Variants in MBP observed in about 807,000 individuals in gnomAD.
The protein encoded by MBP is Golli-MBP.
In MBP, 16 loss-of-function variants were observed where a neutral mutation model predicts 35.8. That is an observed-to-expected ratio of 0.45 (90% CI 0.30 to 0.68). MBP has a LOEUF of 0.68. Ranked by LOEUF, MBP falls within the 30% of genes least tolerant of loss-of-function variation. The probability of loss-of-function intolerance (pLI) is 0.08; values close to 1 mark genes in which losing one functional copy is unlikely to be tolerated. For synonymous variants in MBP, 143 were observed against 159.6 expected (o/e 0.90, Z 0.78); for missense variants, 380 against 404.7 (o/e 0.94, Z 0.52).
Position 77,020,184 on chromosome 18 carries a change from T to C in MBP, c.140-2916A>G, listed in dbSNP as rs1015060553. ...GCACCTTGGCTTCCATCCTGAGCAA[T>C]TGGGAGAGGGACAGGGACTGGGAGT... On this transcript the variant is annotated intron_variant, in intron 3 of 8. Coordinates refer to ENST00000355994, the MANE Select transcript of MBP (RefSeq NM_001025101.2). The surrounding 1 kb of genome is among the most constrained non-coding windows in gnomAD (Gnocchi z 4.1). Among the ~76,000 whole-genome samples the C allele has an allele frequency of 2.0e-5, 3 of 151,550 alleles. No homozygotes were observed. Among genetic ancestry groups the C allele is most frequent in the Non-Finnish European group, 2.9e-5 (2 of 67,878 alleles).
chr18:77,127,978 G>A (rs1977112558), intron 1 of MBP: 1 of 152,204 alleles, frequency 6.6e-6, no homozygotes, highest in Non-Finnish European at 1.5e-5. Context: ...AGAGTTAGCA[G>A]TTTCTCATAA....
chr18:77,048,875 G>C (rs1361768640), intron 3 of MBP, among the ~76,000 whole-genome samples: 2 of 152,064 alleles, frequency 1.3e-5, no homozygotes, highest in African/African-American at 2.4e-5. Flanking sequence ...GTTGGGATTT[G>C]AACCCAGGTC....
chr18:77,059,088 T>C (rs1973861377), intron 3 of MBP, among the ~76,000 whole-genome samples: 1 of 152,184 alleles, frequency 6.6e-6, no homozygotes, highest in Non-Finnish European at 1.5e-5. Context: ...GCCGTCTCAC[T>C]TACTTTGACT....
At chr18:77,071,935 A>G (rs1020549073) in intron 2 of MBP, among the ~76,000 whole-genome samples, 7 of 152,158 alleles carry the variant, frequency 4.6e-5, no homozygotes, top group Non-Finnish European at 8.8e-5. Context: ...ACAGTGATTC[A>G]TATTTCTAAA....
intron 3 of MBP, among the ~76,000 whole-genome samples, chr18:77,018,782 A>ATCCAC (rs1971829148): frequency 3.1e-5 from 4 of 129,526 alleles, no homozygotes; most frequent in South Asian, 2.4e-4. Flanking sequence ...CCATCCATCC[A>ATCCAC]CATATCAGTC....
At chr18:77,045,203 T>C (rs527532714) in intron 3 of MBP, among the ~76,000 whole-genome samples, 44 of 152,164 alleles carry the variant, frequency 2.9e-4, no homozygotes, top group Non-Finnish European at 5.1e-4. Context: ...CAACAGCAAG[T>C]GGACAGAGGT....
intron 4 of MBP, among the ~76,000 whole-genome samples, chr18:77,010,927 C>G (rs1049591862): frequency 6.6e-6 from 1 of 152,072 alleles, no homozygotes; most frequent in Non-Finnish European, 1.5e-5. Context: ...TTATAGTGGT[C>G]AAGAGATGAA....
chr18:77,074,172 C>T (rs556100805), intron 2 of MBP, among the ~76,000 whole-genome samples: 46 of 152,274 alleles, frequency 3.0e-4, no homozygotes, highest in African/African-American at 7.7e-4. Context: ...ACAGTGCCCA[C>T]GTGGGGGCTT....
At chr18:77,108,924 G>A (rs8094950) in intron 1 of MBP, 2 of 152,054 alleles carry the variant, frequency 1.3e-5, no homozygotes, top group Non-Finnish European at 2.9e-5. Context: ...CTCAATCCAG[G>A]TTCCATCTGG....
chr18:77,016,263 T>C (rs1568291708), intron 4 of MBP: 1 of 985,736 alleles, frequency 1.0e-6, no homozygotes, highest in South Asian at 4.7e-5. Context: ...CTTTGATTCA[T>C]AGACACTCAT....
chr18:76,989,814 G>T lies in MBP; in HGVS notation c.681+142C>A, dbSNP rs1241306006. ...TGGAACTCGCGATCAGGTGCGAGGG[G>T]GGAGTTCCCCGGCCGGCCTCACCCT... On this transcript the variant is annotated intron_variant, in intron 5 of 8. Transcript: ENST00000355994. This position sits in a 1 kb window ranked among gnomAD's most constrained non-coding sequence, Gnocchi z 4.0. 1 of 675,696 alleles carries T rather than the reference G, an allele frequency of 1.5e-6. No individual in the cohort carries two copies. Among genetic ancestry groups the T allele is most frequent in the Non-Finnish European group, 2.6e-6 (1 of 380,340 alleles). 41.9% of individuals were successfully genotyped at this position (675,696 alleles called of 1,614,324 possible).
intron 3 of MBP, among the ~76,000 whole-genome samples, chr18:77,052,043 G>A (rs1973509060): frequency 6.6e-6 from 1 of 152,204 alleles, no homozygotes; most frequent in South Asian, 2.1e-4. Flanking sequence ...AGCACTGGAA[G>A]AGGATGAGGA....
chr18:77,118,257 G>A (rs546707427), intron 1 of MBP, among the ~76,000 whole-genome samples: 98 of 151,376 alleles, frequency 6.5e-4, no homozygotes, highest in Non-Finnish European at 1.5e-4. Context: ...TCGGGAGCAG[G>A]AGGCCTGTGT....
chr18:77,128,727 C>T (rs1229837660), intron 1 of MBP, among the ~76,000 whole-genome samples: 1 of 152,168 alleles, frequency 6.6e-6, no homozygotes, highest in Non-Finnish European at 1.5e-5. Flanking sequence ...GATCTCAAAA[C>T]AGGGTTTTAC....
At chr18:77,093,450 G>C (rs577072254) in intron 2 of MBP, 1 of 152,336 alleles carries the variant, frequency 6.6e-6, no homozygotes, top group South Asian at 2.1e-4. Flanking sequence ...GGCTGCCCTT[G>C]TTTGCTAATT....
intron 3 of MBP, among the ~76,000 whole-genome samples, chr18:77,054,507 G>A (rs535343375): frequency 1.7e-4 from 26 of 152,186 alleles, no homozygotes; most frequent in Non-Finnish European, 3.4e-4. Flanking sequence ...CTAGCTGGCA[G>A]GGAGAACCAA....
chr18:77,094,633 A>G (rs1047898907), intron 2 of MBP, among the ~76,000 whole-genome samples: 2 of 152,204 alleles, frequency 1.3e-5, no homozygotes, highest in Non-Finnish European at 2.9e-5. Context: ...TGTATTTTTC[A>G]GAGAAGTTTA....
At chr18:77,084,426 CCACACCACACACACACA>C (rs1321690240) in intron 2 of MBP, among the ~76,000 whole-genome samples, 13 of 58,516 alleles carry the variant, frequency 2.2e-4, no homozygotes, top group South Asian at 1.3e-3. Flanking sequence ...CCCCGCCACA[CCACACCACACACACACA>C]CACACACACA....
intron 4 of MBP, chr18:76,990,854 G>T: frequency 3.6e-6 from 1 of 280,410 alleles, no homozygotes; most frequent in South Asian, 2.7e-5. Context: ...TGGCAGCAGC[G>T]GGTTTGGGTG....
Sources: gnomAD v4.1 joint callset for allele counts (sites outside exome capture counted in the v4.1 genomes callset) on GRCh38, gnomAD v4.1.1 for gene constraint, Gnocchi (gnomAD v3.1) non-coding constraint, MANE v1.5 for transcripts, NCBI Gene and HGNC (gene_info 2026-07-23, HGNC 2026-07-21) for gene names.